The following PKD2L2 variants were observed in gnomAD, a reference collection of about 807,000 sequenced individuals.
PKD2L2 encodes the protein polycystin 2 like 2, transient receptor potential cation channel, also known as polycystin-2-like protein 2.
A neutral mutation model predicts 83.9 loss-of-function variants in PKD2L2; 67 were observed. That is an observed-to-expected ratio of 0.80 (90% CI 0.66 to 0.98). PKD2L2 has a LOEUF of 0.98. PKD2L2 is among the 50% of genes least tolerant of loss of function. PKD2L2 has a pLI of 0.00. For synonymous variants in PKD2L2, 223 were observed against 237.8 expected, an observed-to-expected ratio of 0.94 and a Z score of 0.57; for missense variants, 632 against 717.2, an observed-to-expected ratio of 0.88 and a Z score of 1.36.
rs1421037697 is a variant in PKD2L2, at chr5:137,923,005, CT to C, written c.1450-410del. Among the ~76,000 whole-genome samples, 3 of 150,266 alleles carry C rather than the reference CT, an allele frequency of 2.0e-5. No individual in the cohort carries two copies. In the East Asian group the frequency reaches 5.9e-4, roughly 29 times the overall value. On this transcript the variant is annotated intron_variant, in intron 9 of 14. Coordinates refer to ENST00000508883, the MANE Select transcript of PKD2L2 (RefSeq NM_001300921.2). ...AATTTGATTTTTTTTGTTGTTTTTCCTTTTTCTTTTCTTTTTTTTTTTTTTA... is the reference window on the plus strand; with the variant it reads ...AATTTGATTTTTTTTGTTGTTTTTCCTTTTCTTTTCTTTTTTTTTTTTTTA...
chr5:137,899,877 T>A, intron 5 of PKD2L2, 140 bp downstream of exon 5: 1 of 497,804 alleles, frequency 2.0e-6, no homozygotes, highest in Non-Finnish European at 3.5e-6. Flanking sequence ...GTAAATATAT[T>A]GGAAAATGTT....
chr5:137,915,849 CTTTACT>C (rs1758281588), intron 8 of PKD2L2, among the ~76,000 whole-genome samples: 1 of 151,992 alleles, frequency 6.6e-6, no homozygotes, highest in South Asian at 2.1e-4. Flanking sequence ...ATGTATTTAC[CTTTACT>C]AAGAACTGTG....
chr5:137,911,142 CCT>C lies in PKD2L2; in HGVS notation c.1328+2197_1328+2198del, dbSNP rs368461987. The stretch of plus-strand genomic sequence containing the variant: ...CTCCCTATTTTCCCCTTCCCTGGCC[CCT>C]GTCAGCCACCATTTTACTTTTTGTC... On this transcript the variant is annotated intron_variant, in intron 8 of 14. Transcript: ENST00000508883. 4.7e-4 allele frequency among the ~76,000 whole-genome samples: 71 copies of C among 152,214 alleles called. 1 individual carries two copies. In the East Asian group the frequency reaches 0.013, roughly 28 times the overall value.
At chr5:137,892,022 C>T (rs1222163001) in intron 2 of PKD2L2, among the ~76,000 whole-genome samples, 2 of 152,192 alleles carry the variant, frequency 1.3e-5, no homozygotes, top group African/African-American at 4.8e-5. Context: ...TGTGCCAAAA[C>T]ACAGTTTAAA....
intron 6 of PKD2L2, among the ~76,000 whole-genome samples, chr5:137,907,170 A>T (rs1472625200): frequency 6.6e-6 from 1 of 152,238 alleles, no homozygotes; most frequent in Admixed American, 6.5e-5. Flanking sequence ...GTCAGAAAGC[A>T]TGCCACCTAC....
chr5:137,939,177 C>A (rs982209763), intron 14 of PKD2L2: 2 of 151,098 alleles, frequency 1.3e-5, no homozygotes, highest in Non-Finnish European at 2.9e-5. Flanking sequence ...CTTAAGAGGG[C>A]GTTGTTGTCG....
At chr5:137,916,971 A>G (rs1051275938) in intron 8 of PKD2L2, among the ~76,000 whole-genome samples, 2 of 151,936 alleles carry the variant, frequency 1.3e-5, no homozygotes, top group Non-Finnish European at 2.9e-5. Context: ...AGTTCATTCT[A>G]TTGGAGTTCA....
intron 8 of PKD2L2, among the ~76,000 whole-genome samples, chr5:137,914,688 G>A (rs539641745): frequency 1.3e-5 from 2 of 152,100 alleles, no homozygotes; most frequent in Admixed American, 6.6e-5. Flanking sequence ...GCAAGAGAGG[G>A]CATTCTTGTC....
At position 137,940,357 on chromosome 5, in the gene PKD2L2, G is replaced by A. The variant is rs753799278; in HGVS notation, c.*18-2027G>A. The A allele has an allele frequency of 7.6e-6, 12 of 1,575,764 alleles. No individual in the cohort carries two copies. The South Asian group carries it at 1.4e-4, about 18-fold the overall frequency. On this transcript the variant is annotated intron_variant, in intron 14 of 14. Coordinates refer to ENST00000508883, the MANE Select transcript of PKD2L2 (RefSeq NM_001300921.2). ...CCTCTTTCTGGGCATTCCTAGGGGA[G>A]AAAATAAAATTTGTAATGTTCTAGA... is the stretch of plus-strand genomic sequence containing the variant.
At chr5:137,892,401 GA>G (rs1048948353) in intron 2 of PKD2L2, 78 bp from the exon 3 acceptor site, 32 of 737,916 alleles carry the variant, frequency 4.3e-5, no homozygotes, top group Middle Eastern at 4.3e-4. Flanking sequence ...TCAAAATTGA[GA>G]AAAAAATGTA....
intron 8 of PKD2L2, among the ~76,000 whole-genome samples, chr5:137,918,971 T>A (rs200550349): frequency 1.5e-4 from 20 of 133,310 alleles, no homozygotes; most frequent in Middle Eastern, 3.8e-3. Flanking sequence ...TGTGTGTGAG[T>A]GTGTGTGTGT....
chr5:137,941,614 T>C (rs1480334437), intron 14 of PKD2L2, among the ~76,000 whole-genome samples: 2 of 152,202 alleles, frequency 1.3e-5, no homozygotes, highest in Non-Finnish European at 2.9e-5. Flanking sequence ...ACTCCTGTCA[T>C]GGGATCCTTT....
At chr5:137,935,988 C>A in intron 13 of PKD2L2, 79 bp downstream of exon 13, 1 of 840,324 alleles carries the variant, frequency 1.2e-6, no homozygotes, top group Non-Finnish European at 1.9e-6. Flanking sequence ...ACATTATTTT[C>A]CTGAACCCAA....
intron 14 of PKD2L2, chr5:137,941,855 T>TAG: frequency 8.9e-7 from 1 of 1,121,186 alleles, no homozygotes; most frequent in Non-Finnish European, 1.3e-6. Context: ...ATGCACAATT[T>TAG]CTAATCCCAC....
chr5:137,903,496 C>T (rs1410955176), intron 5 of PKD2L2, among the ~76,000 whole-genome samples: 1 of 152,002 alleles, frequency 6.6e-6, no homozygotes, highest in Non-Finnish European at 1.5e-5. Context: ...ATTCTTGAGA[C>T]AAAAATTGGT....
Position 137,899,666 on chromosome 5 carries a change from A to G in PKD2L2, c.675A>G (p.Thr225=), listed in dbSNP as rs1014039521. 1 of 1,613,390 alleles carries G rather than the reference A, an allele frequency of 6.2e-7. No individual in the cohort carries two copies. The highest frequency in any genetic ancestry group is 1.3e-5 in the African/African-American group (1 of 75,044). ...FIDLRLNSWI[T]RGTRVIFIDF... is the part of the protein sequence containing the mutation. Reference sequence around the variant, plus strand: ...ACCTTCGACTGAACAGCTGGATCACAAGAGGGACTAGAGTTATTTTTATTG... The same window carrying G: ...ACCTTCGACTGAACAGCTGGATCACGAGAGGGACTAGAGTTATTTTTATTG... Residue 225 remains threonine, a synonymous_variant, in exon 5 of 15, where the codon ACA becomes ACG. Coordinates refer to ENST00000508883, the MANE Select transcript of PKD2L2 (RefSeq NM_001300921.2).
chr5:137,907,861 C>T lies in PKD2L2; in HGVS notation c.1095C>T (p.His365=). The change falls in exon 7 of 15, where the codon CAC becomes CAT. Residue 365 remains histidine (H), a synonymous_variant. Coordinates refer to ENST00000508883, the MANE Select transcript of PKD2L2 (RefSeq NM_001300921.2). Reference sequence around the variant, plus strand: ...ATTTCTATTTTCTTGCATGCTGGCACATTTATTACAATAATATAATTGCTA... The same window carrying T: ...ATTTCTATTTTCTTGCATGCTGGCATATTTATTACAATAATATAATTGCTA... The part of the protein sequence containing the change: ...YSDFYFLACW[H]IYYNNIIAIT... The T allele has an allele frequency of 6.6e-7, 1 of 1,513,450 alleles. No homozygotes were observed. The allele number at this position is 1,513,450 out of a possible 1,614,324, so 93.8% of individuals were successfully genotyped here. A position where few individuals can be genotyped will look rare whatever the true frequency, so the allele number is the denominator to read the frequency against.
At chr5:137,923,355 T>G in intron 9 of PKD2L2, 65 bp from the exon 10 acceptor site, 1 of 824,528 alleles carries the variant, frequency 1.2e-6, no homozygotes, top group Non-Finnish European at 2.0e-6. Context: ...ACCCAAAACT[T>G]GTTAAAGTCA....
At chr5:137,921,551 T>C in intron 8 of PKD2L2, 85 bp from the exon 9 acceptor site, 1 of 807,452 alleles carries the variant, frequency 1.2e-6, no homozygotes, top group Non-Finnish European at 2.0e-6. Flanking sequence ...CTGCTAGATA[T>C]CCTCTTAGAG....
Sources: allele counts gnomAD v4.1 joint callset (sites outside exome capture counted in the v4.1 genomes callset), GRCh38; gene constraint gnomAD v4.1.1; transcripts MANE v1.5; gene names NCBI Gene and HGNC (gene_info 2026-07-23, HGNC 2026-07-21).